Variants in PDLIM5 observed in about 807,000 individuals in gnomAD.
PDLIM5 encodes the protein PDZ and LIM domain protein 5.
PDLIM5 carries 34 observed loss-of-function variants against 64.2 expected under a neutral mutation model. The observed-to-expected ratio is 0.53, with a 90% confidence interval of 0.40 to 0.71. The LOEUF is 0.71. PDLIM5 is among the 30% of genes least tolerant of loss of function. PDLIM5 has a pLI of 0.00. For synonymous variants in PDLIM5, 253 were observed against 269.1 expected, an observed-to-expected ratio of 0.94 and a Z score of 0.59; for missense variants, 683 against 733.6, an observed-to-expected ratio of 0.93 and a Z score of 0.80.
chr4:94,608,069 G>A, intron 7 of PDLIM5: 1 of 1,530,594 alleles, frequency 6.5e-7, no homozygotes, highest in Non-Finnish European at 8.7e-7. Flanking sequence ...GTTTGACAGT[G>A]CTCTGGAAGA....
intron 5 of PDLIM5, among the ~76,000 whole-genome samples, chr4:94,580,959 C>T (rs1553962467): frequency 1.3e-5 from 2 of 151,974 alleles, no homozygotes; most frequent in Non-Finnish European, 2.9e-5. Flanking sequence ...TTATTTTGAG[C>T]GGTTGGGGAA....
At chr4:94,625,516 T>A (rs542605078) in intron 8 of PDLIM5, among the ~76,000 whole-genome samples, 6 of 151,670 alleles carry the variant, frequency 4.0e-5, no homozygotes, top group South Asian at 2.1e-4. Flanking sequence ...GCAGTGGCGC[T>A]ATTTAGGCTC....
intron 2 of PDLIM5, among the ~76,000 whole-genome samples, chr4:94,491,354 A>G (rs1726855089): frequency 1.3e-5 from 2 of 152,182 alleles, no homozygotes; most frequent in Admixed American, 1.3e-4. Flanking sequence ...TTTAGAGTTA[A>G]CATTATCATA....
intron 2 of PDLIM5, among the ~76,000 whole-genome samples, chr4:94,467,314 G>GTT (rs1173951811): frequency 8.5e-4 from 117 of 138,012 alleles, no homozygotes; most frequent in African/African-American, 7.5e-4. Flanking sequence ...ACTGAGGAAA[G>GTT]TTTTTTTTTT....
intron 7 of PDLIM5, among the ~76,000 whole-genome samples, chr4:94,596,284 T>C (rs759547970): frequency 2.6e-5 from 4 of 152,168 alleles, no homozygotes; most frequent in Non-Finnish European, 4.4e-5. Flanking sequence ...AGATCTGTTA[T>C]TTATAAAAGT....
intron 2 of PDLIM5, among the ~76,000 whole-genome samples, chr4:94,471,949 CAAAGACCTTATAAGTATTTGTACTTAT>C (rs1302599278): frequency 6.6e-6 from 1 of 151,798 alleles, no homozygotes; most frequent in Non-Finnish European, 1.5e-5. Flanking sequence ...TTTGTACTTA[CAAAGACCTTATAAGTATTTGTACTTAT>C]AAAGACCTTA....
intron 2 of PDLIM5, among the ~76,000 whole-genome samples, chr4:94,459,686 A>G (rs940203284): frequency 6.6e-6 from 1 of 152,238 alleles, no homozygotes; most frequent in Admixed American, 6.5e-5. Flanking sequence ...ACAAGTCAAT[A>G]TTCTATGAAA....
intron 3 of PDLIM5, among the ~76,000 whole-genome samples, chr4:94,542,344 T>TA (rs1436889279): frequency 7.2e-6 from 1 of 138,700 alleles, no homozygotes; most frequent in African/African-American, 3.0e-5. Flanking sequence ...AGTAAGTAAG[T>TA]AAGTAAGTGG....
chr4:94,587,447 T>C, intron 7 of PDLIM5: 6 of 958,884 alleles, frequency 6.3e-6, no homozygotes, highest in Non-Finnish European at 7.5e-6. Context: ...ATAAAGTCCT[T>C]GTCTAATTTG....
intron 3 of PDLIM5, among the ~76,000 whole-genome samples, chr4:94,533,368 A>T (rs143641055): frequency 6.6e-6 from 1 of 152,332 alleles, no homozygotes; most frequent in African/African-American, 2.4e-5. Context: ...CTCCTTTGGG[A>T]AAGCAATCCC....
At chr4:94,617,869 C>A in intron 7 of PDLIM5, 135 bp from the exon 8 acceptor site, 1 of 465,374 alleles carries the variant, frequency 2.1e-6, no homozygotes, top group Non-Finnish European at 3.7e-6. Flanking sequence ...TCAGTCATGA[C>A]TTCAAAGATT....
intron 2 of PDLIM5, among the ~76,000 whole-genome samples, chr4:94,460,557 G>T (rs908177423): frequency 6.7e-6 from 1 of 150,056 alleles, no homozygotes; most frequent in Admixed American, 6.7e-5. Context: ...AGAGTTCAAG[G>T]TTACAGTGGG....
chr4:94,510,073 A>G (rs1004273682), intron 2 of PDLIM5, among the ~76,000 whole-genome samples: 3 of 152,228 alleles, frequency 2.0e-5, no homozygotes, highest in African/African-American at 7.2e-5. Context: ...CGTATAGTAA[A>G]TGAATAAATG....
chr4:94,480,838 A>T (rs1469823330), intron 2 of PDLIM5, among the ~76,000 whole-genome samples: 1 of 152,192 alleles, frequency 6.6e-6, no homozygotes, highest in African/African-American at 2.4e-5. Flanking sequence ...CACAGACAAT[A>T]CAAAAAAGGT....
intron 8 of PDLIM5, among the ~76,000 whole-genome samples, chr4:94,630,148 G>C (rs1037136059): frequency 6.6e-6 from 1 of 152,066 alleles, no homozygotes; most frequent in Admixed American, 6.5e-5. Context: ...CATATTTCCT[G>C]AGATGTTGAA....
intron 2 of PDLIM5, among the ~76,000 whole-genome samples, chr4:94,474,380 G>A (rs1046291194): frequency 6.6e-6 from 1 of 152,110 alleles, no homozygotes; most frequent in Non-Finnish European, 1.5e-5. Context: ...CCTCCCGAGC[G>A]GCTGGGATTA....
intron 3 of PDLIM5, among the ~76,000 whole-genome samples, chr4:94,564,624 A>T (rs1177610427): frequency 6.9e-6 from 1 of 144,980 alleles, no homozygotes; most frequent in Admixed American, 6.9e-5. Context: ...TCTCAAATGG[A>T]TGTAAGCACC....
chr4:94,646,043 T>C (rs1430557043), intron 9 of PDLIM5, among the ~76,000 whole-genome samples: 2 of 152,234 alleles, frequency 1.3e-5, no homozygotes, highest in African/African-American at 4.8e-5. Flanking sequence ...TTTTCTAGTT[T>C]CTCATCTAAT....
chr4:94,590,286 CTTCT>C lies in PDLIM5; in HGVS notation c.920+3845_920+3848del, dbSNP rs145481575. Among the ~76,000 whole-genome samples the C allele has an allele frequency of 1.0e-2, 1,514 of 152,156 alleles. 24 individuals carry two copies. Among genetic ancestry groups the C allele is most frequent in the African/African-American group, 0.033 (1,375 of 41,512 alleles). On this transcript the variant is annotated intron_variant, in intron 7 of 12. Transcript: ENST00000317968. ...GTATTAGGACACAGAGTAGCAGTTC[CTTCT>C]TTTTTTCAAAATTATTCAAAAATAT... is the stretch of plus-strand genomic sequence containing the variant.
Sources: allele counts gnomAD v4.1 joint callset (sites outside exome capture counted in the v4.1 genomes callset), GRCh38; gene constraint gnomAD v4.1.1; transcripts MANE v1.5; gene names NCBI Gene and HGNC (gene_info 2026-07-23, HGNC 2026-07-21).